Variants in ALDH1L1 observed in about 807,000 individuals in gnomAD.
The protein encoded by ALDH1L1 is cytosolic 10-formyltetrahydrofolate dehydrogenase.
A neutral mutation model predicts 101.1 loss-of-function variants in ALDH1L1; 68 were observed. The ratio of observed to expected loss-of-function variants is 0.67; its 90% CI spans 0.55 to 0.82. The LOEUF (loss-of-function observed/expected upper bound fraction) is 0.82, where lower values mean the gene tolerates loss of function less well. Among genes scored for constraint, ALDH1L1 ranks in the 40% least tolerant of loss-of-function variants. The probability of loss-of-function intolerance (pLI) is 0.00; values close to 1 mark genes in which losing one functional copy is unlikely to be tolerated. For synonymous variants in ALDH1L1, 486 were observed against 470.8 expected, an observed-to-expected ratio of 1.03 and a Z score of -0.42; for missense variants, 1,087 against 1,172.7, an observed-to-expected ratio of 0.93 and a Z score of 1.07.
In ALDH1L1 at chr3:126,124,404, G is replaced by A. The variant is rs761358100; in HGVS notation, c.1848C>T (p.Ala616=). 10 of 1,612,208 alleles carry A rather than the reference G, an allele frequency of 6.2e-6. No individual in the cohort carries two copies. Among genetic ancestry groups the A allele is most frequent in the Middle Eastern group, 1.6e-4 (1 of 6,078 alleles). The change falls in exon 16 of 23, where the codon GCC becomes GCT. Residue 616 remains alanine, a synonymous_variant. Coordinates refer to ENST00000393434, the MANE Select transcript of ALDH1L1 (RefSeq NM_012190.4). ...CGTTAACCACACCTTTGGGAATGCC[G>A]GCCTTTAATGTCAGCTCTGCAAACT... is the stretch of plus-strand genomic sequence containing the variant. ...ALKFAELTLK[A]GIPKGVVNVL...
At chr3:126,137,550 T>G (rs1438206204) in intron 10 of ALDH1L1, among the ~76,000 whole-genome samples, 1 of 152,224 alleles carries the variant, frequency 6.6e-6, no homozygotes, top group East Asian at 1.9e-4. Context: ...AGTCTCTTCT[T>G]AATATCTTGA....
chr3:126,157,881 C>A (rs1016390468), intron 3 of ALDH1L1, among the ~76,000 whole-genome samples: 1 of 152,216 alleles, frequency 6.6e-6, no homozygotes, highest in African/African-American at 2.4e-5. Context: ...ACTCAAATGT[C>A]TTCCCTCTTT....
chr3:126,146,894 C>T lies in ALDH1L1; in HGVS notation c.1017G>A (p.Leu339=), dbSNP rs1405471153. ...SVWQRILPKV[L]EVEDSTDFFK... ...AGAAATCAGTGGAGTCTTCAACCTC[C>T]AGGACTTTGGGGAGGATCCGCTGCC... is the stretch of plus-strand genomic sequence containing the variant. The change falls in exon 9 of 23, where the codon CTG becomes CTA. Residue 339 remains leucine, a synonymous_variant. Transcript: ENST00000393434. 1 of 1,614,090 alleles carries T rather than the reference C, an allele frequency of 6.2e-7. No homozygotes were observed. Among genetic ancestry groups the T allele is most frequent in the Admixed American group, 1.7e-5 (1 of 60,018 alleles).
At position 126,155,388 on chromosome 3, in the gene ALDH1L1, G is replaced by A. The variant is rs766894953; in HGVS notation, c.630+14C>T. On this transcript the variant is annotated intron_variant, in intron 5 of 22. Transcript: ENST00000393434. ...CACAGGCAGGATGAGGGTGTGGAGG[G>A]ACCCAGCACTCACCTTGGCTGTCTC... The A allele has an allele frequency of 1.9e-6, 3 of 1,609,250 alleles. No individual in the cohort carries two copies. The South Asian group carries it at 3.3e-5, about 18-fold the overall frequency.
Position 126,110,050 on chromosome 3 carries a change from C to G in ALDH1L1, c.2241G>C (p.Gly747=), listed in dbSNP as rs772779224. The change falls in exon 20 of 23, where the codon GGG becomes GGC. Residue 747 remains glycine (G), a synonymous_variant. Transcript: ENST00000393434. ...GNPLDRDTDH[G]PQNHHAHLVK... is the part of the protein sequence containing the mutation. ...CAAGGTGGGCATGGTGATTCTGCGG[C>G]CCGTGGTCGGTGTCCCTGTCCAGCG... is the stretch of plus-strand genomic sequence containing the variant. 1.8e-4 allele frequency: 284 copies of G among 1,614,226 alleles called. No individual in the cohort carries two copies. Among genetic ancestry groups the G allele is most frequent in the Non-Finnish European group, 2.2e-4 (264 of 1,180,034 alleles).
At chr3:126,194,687 A>C (rs2081571957) in intron 1 of ALDH1L1, among the ~76,000 whole-genome samples, 1 of 152,164 alleles carries the variant, frequency 6.6e-6, no homozygotes, top group South Asian at 2.1e-4. Flanking sequence ...AAACTTCCGC[A>C]ACTTGTTCAG....
intron 1 of ALDH1L1, among the ~76,000 whole-genome samples, chr3:126,188,738 G>T (rs1309679956): frequency 2.6e-5 from 4 of 152,134 alleles, no homozygotes; most frequent in African/African-American, 9.7e-5. Context: ...ATGTTTAACA[G>T]ATAGCTGCAT....
chr3:126,133,894 C>T (rs1452444604), intron 12 of ALDH1L1, among the ~76,000 whole-genome samples: 1 of 152,228 alleles, frequency 6.6e-6, no homozygotes, highest in Non-Finnish European at 1.5e-5. Context: ...AGGAGCTCCT[C>T]TTTGTGGCCC....
At chr3:126,113,723 TTAGA>T (rs1478642949) in intron 18 of ALDH1L1, among the ~76,000 whole-genome samples, 1 of 152,202 alleles carries the variant, frequency 6.6e-6, no homozygotes, top group Non-Finnish European at 1.5e-5. Context: ...ACAGTGGAAC[TTAGA>T]TAGGGCCGGG....
At chr3:126,111,826 G>A (rs1341835783) in intron 19 of ALDH1L1, among the ~76,000 whole-genome samples, 1 of 152,248 alleles carries the variant, frequency 6.6e-6, no homozygotes, top group African/African-American at 2.4e-5. Flanking sequence ...CCACAACCTA[G>A]GGGCGGTGGG....
At chr3:126,112,994 T>C (rs1343136641) in intron 18 of ALDH1L1, 114 bp from the exon 19 acceptor site, 1 of 859,228 alleles carries the variant, frequency 1.2e-6, no homozygotes, top group African/African-American at 1.7e-5. Flanking sequence ...CCATGTGTCC[T>C]GATCTCCTCC....
intron 10 of ALDH1L1, among the ~76,000 whole-genome samples, chr3:126,137,564 C>T (rs12630216): frequency 6.6e-6 from 1 of 152,238 alleles, no homozygotes; most frequent in Non-Finnish European, 1.5e-5. Flanking sequence ...ATCTTGATCA[C>T]CTGCCTTGGG....
At chr3:126,133,462 T>C (rs912117966) in intron 12 of ALDH1L1, among the ~76,000 whole-genome samples, 1 of 152,192 alleles carries the variant, frequency 6.6e-6, no homozygotes, top group Non-Finnish European at 1.5e-5. Flanking sequence ...TTCTCCTTCA[T>C]CAGCCCCAAT....
In ALDH1L1 at chr3:126,197,833, T is replaced by C. The variant is rs1043691886; in HGVS notation, c.-122A>G. ...AAAGAAAAACTTCAGCCAAATTAAA[T>C]TTAAAAAAGTTTAATTGAGCAATGA... On this transcript the variant is annotated 5_prime_UTR_variant, in exon 1 of 3. Transcript: ENST00000509952. 2.6e-5 allele frequency: 4 copies of C among 152,266 alleles called. No individual in the cohort carries two copies. The East Asian group carries it at 7.7e-4, about 29-fold the overall frequency. 9.4% of individuals were successfully genotyped at this position (152,266 alleles called of 1,614,324 possible).
chr3:126,155,450 A>G lies in ALDH1L1; in HGVS notation c.582T>C (p.Pro194=). 1.9e-6 allele frequency: 3 copies of G among 1,613,346 alleles called. No individual in the cohort carries two copies. The highest frequency in any genetic ancestry group is 2.2e-5 in the East Asian group (1 of 44,834). The change falls in exon 5 of 23, where the codon CCT becomes CCC. Residue 194 remains proline (P), a synonymous_variant. Coordinates refer to ENST00000393434, the MANE Select transcript of ALDH1L1 (RefSeq NM_012190.4). ...TCCCCTCATAGGTGGCTCCTTCCTC[A>G]GGCTGAGGGAGTCTGGGGGCTTTGC... The part of the protein sequence containing the change: ...AEGKAPRLPQ[P]EEGATYEGIQ...
intron 6 of ALDH1L1, among the ~76,000 whole-genome samples, chr3:126,153,966 A>C (rs538718360): frequency 6.6e-6 from 1 of 152,310 alleles, no homozygotes; most frequent in African/African-American, 2.4e-5. Flanking sequence ...TGCTAGTACA[A>C]AGGGCTCTGC....
chr3:126,133,615 A>C (rs896370133), intron 12 of ALDH1L1, among the ~76,000 whole-genome samples: 5 of 152,334 alleles, frequency 3.3e-5, no homozygotes, highest in Admixed American at 3.3e-4. Flanking sequence ...GCCTTGCAGG[A>C]CTATTCTATT....
At chr3:126,163,886 C>A (rs1396366559) in intron 1 of ALDH1L1, among the ~76,000 whole-genome samples, 1 of 152,182 alleles carries the variant, frequency 6.6e-6, no homozygotes, top group Non-Finnish European at 1.5e-5. Context: ...GCAACCCCAG[C>A]ACGTTGGGAG....
intron 13 of ALDH1L1, among the ~76,000 whole-genome samples, chr3:126,130,736 C>T (rs1310463348): frequency 6.6e-6 from 1 of 152,194 alleles, no homozygotes; most frequent in East Asian, 1.9e-4. Flanking sequence ...GAGGAGGAAC[C>T]ATGGAGCCCA....
Sources: gnomAD v4.1 joint callset for allele counts (sites outside exome capture counted in the v4.1 genomes callset) on GRCh38, gnomAD v4.1.1 for gene constraint, MANE v1.5 for transcripts, NCBI Gene and HGNC (gene_info 2026-07-23, HGNC 2026-07-21) for gene names.